CYP2C18: variants seen among roughly 807,000 people sequenced by gnomAD.
CYP2C18 encodes the protein cytochrome P450 2C18.
CYP2C18 carries 38 observed loss-of-function variants against 41.3 expected under a neutral mutation model. That is an observed-to-expected ratio of 0.92 (90% CI 0.71 to 1.21). CYP2C18 has a LOEUF of 1.21. Among genes scored for constraint, CYP2C18 ranks in the 50% most tolerant of loss-of-function variants. The pLI, the probability that CYP2C18 is intolerant of heterozygous loss-of-function variation, is 0.00. For synonymous variants in CYP2C18, 236 were observed against 210.0 expected (o/e 1.12, Z -1.07); for missense variants, 635 against 591.4 (o/e 1.07, Z -0.77).
At chr10:94,715,729 A>T (rs1022670232) in intron 5 of CYP2C18, among the ~76,000 whole-genome samples, 1 of 151,826 alleles carries the variant, frequency 6.6e-6, no homozygotes, top group Non-Finnish European at 1.5e-5. Context: ...CTCTTTTTCT[A>T]TTGATTGGAA....
chr10:94,715,721 C>A (rs1053191422), intron 5 of CYP2C18, among the ~76,000 whole-genome samples: 1 of 152,168 alleles, frequency 6.6e-6, no homozygotes, highest in Non-Finnish European at 1.5e-5. Context: ...AGGATTCCCT[C>A]TTTTTCTATT....
intron 4 of CYP2C18, among the ~76,000 whole-genome samples, chr10:94,699,817 T>G (rs954060192): frequency 4.6e-5 from 7 of 152,302 alleles, no homozygotes; most frequent in African/African-American, 1.7e-4. Flanking sequence ...TTCACAAGCA[T>G]TCTTATACAC....
intron 3 of CYP2C18, 133 bp downstream of exon 3, chr10:94,688,407 G>T: frequency 5.4e-6 from 6 of 1,112,774 alleles, no homozygotes; most frequent in Non-Finnish European, 7.5e-6. Flanking sequence ...AATGTGTAAT[G>T]ATCAAGTTAG....
At chr10:94,732,669 T>C (rs987243146) in intron 7 of CYP2C18, among the ~76,000 whole-genome samples, 1 of 152,066 alleles carries the variant, frequency 6.6e-6, no homozygotes, top group African/African-American at 2.4e-5. Flanking sequence ...TTGTCCTTTG[T>C]AGCAACATAG....
At chr10:94,734,608 C>G (rs745826020) in intron 8 of CYP2C18, among the ~76,000 whole-genome samples, 71 of 152,182 alleles carry the variant, frequency 4.7e-4, no homozygotes, top group Non-Finnish European at 8.2e-4. Context: ...GCAGATGTGA[C>G]AGCAAGAGAT....
chr10:94,712,154 T>C (rs570967761), intron 5 of CYP2C18, among the ~76,000 whole-genome samples: 1 of 143,280 alleles, frequency 7.0e-6, no homozygotes, highest in South Asian at 2.5e-4. Context: ...GGCCTCTTTT[T>C]CCAATTTTTT....
intron 7 of CYP2C18, among the ~76,000 whole-genome samples, chr10:94,733,062 A>C (rs1422875249): frequency 6.6e-6 from 1 of 152,136 alleles, no homozygotes; most frequent in Non-Finnish European, 1.5e-5. Flanking sequence ...GCCCCCGAGT[A>C]CTCAAATGCT....
In CYP2C18 at chr10:94,687,751, C is replaced by T; in HGVS notation, c.169-19C>T. On this transcript the variant is annotated intron_variant, in intron 1 of 8. Coordinates refer to ENST00000285979, the MANE Select transcript of CYP2C18 (RefSeq NM_000772.3). ...ATACTGAGTTTTGCTACTATTTGAA[C>T]CTCCTTTTCTATGTTTAGTTCTCAA... 6.2e-7 allele frequency: 1 copy of T among 1,604,098 alleles called. No individual in the cohort carries two copies. Among genetic ancestry groups the T allele is most frequent in the Non-Finnish European group, 8.5e-7 (1 of 1,175,830 alleles).
chr10:94,710,868 A>T (rs557303959), intron 5 of CYP2C18, among the ~76,000 whole-genome samples: 7 of 152,324 alleles, frequency 4.6e-5, no homozygotes, highest in Non-Finnish European at 7.4e-5. Context: ...TATTAAATTA[A>T]TGCTGTTCTA....
At chr10:94,696,469 A>AC (rs1349507018) in intron 4 of CYP2C18, among the ~76,000 whole-genome samples, 8 of 151,910 alleles carry the variant, frequency 5.3e-5, no homozygotes, top group African/African-American at 1.9e-4. Context: ...CCACACCAAA[A>AC]CCCCATCTGT....
chr10:94,699,566 A>G (rs1279820531), intron 4 of CYP2C18, among the ~76,000 whole-genome samples: 1 of 152,364 alleles, frequency 6.6e-6, no homozygotes, highest in South Asian at 2.1e-4. Context: ...GAAAACAGGC[A>G]CAAGACAGGG....
chr10:94,725,602 T>G (rs1270474691), intron 7 of CYP2C18, among the ~76,000 whole-genome samples: 1 of 152,146 alleles, frequency 6.6e-6, no homozygotes, highest in Non-Finnish European at 1.5e-5. Context: ...TTTATGTATA[T>G]TTTCATAAGT....
intron 5 of CYP2C18, among the ~76,000 whole-genome samples, chr10:94,710,613 A>G (rs1589800514): frequency 6.6e-6 from 1 of 152,132 alleles, no homozygotes; most frequent in Non-Finnish European, 1.5e-5. Flanking sequence ...ATAACCACTG[A>G]TTTTTCAAAT....
chr10:94,726,683 C>G (rs1480482363), intron 7 of CYP2C18, among the ~76,000 whole-genome samples: 1 of 151,940 alleles, frequency 6.6e-6, no homozygotes, highest in East Asian at 1.9e-4. Context: ...CTGTAGCCAT[C>G]AAAAATTGAC....
At chr10:94,684,754 GT>G (rs991647494) in intron 1 of CYP2C18, among the ~76,000 whole-genome samples, 7 of 151,312 alleles carry the variant, frequency 4.6e-5, no homozygotes, top group Non-Finnish European at 1.0e-4. Flanking sequence ...TTCTATTTTT[GT>G]TTTTTTTAGG....
At position 94,688,184 on chromosome 10, in the gene CYP2C18, C is replaced by G; in HGVS notation, c.391C>G (p.Leu131Val). ...GATCCGGCGTTTCTGCCTCATGACT[C>G]TGCGGAATTTTGGGATGGGGAAGAG... ...KEIRRFCLMT[L>V]RNFGMGKRSI... Residue 131 changes from leucine (L) to valine (V), a missense_variant, in exon 3 of 9, where the codon CTG (leucine) becomes GTG (valine). Physicochemically the swap from Leu to Val is conservative, Grantham distance 32 (BLOSUM62 1). Coordinates refer to ENST00000285979, the MANE Select transcript of CYP2C18 (RefSeq NM_000772.3). 6.2e-7 allele frequency: 1 copy of G among 1,613,700 alleles called. No homozygotes were observed. The highest frequency in any genetic ancestry group is 8.5e-7 in the Non-Finnish European group (1 of 1,179,792).
chr10:94,712,008 AT>A (rs35672164), intron 5 of CYP2C18, among the ~76,000 whole-genome samples: 27,501 of 97,702 alleles, frequency 0.28, 3,768 homozygotes, highest in Admixed American at 0.41. Context: ...TGCCCAACTA[AT>A]TTTTTTTTTT....
At chr10:94,725,431 T>A (rs927929749) in intron 7 of CYP2C18, among the ~76,000 whole-genome samples, 6 of 152,070 alleles carry the variant, frequency 3.9e-5, no homozygotes, top group African/African-American at 1.4e-4. Context: ...TTTTATTTCT[T>A]ATTTTTCAAT....
At chr10:94,686,613 G>A (rs1404001514) in intron 1 of CYP2C18, among the ~76,000 whole-genome samples, 1 of 152,186 alleles carries the variant, frequency 6.6e-6, no homozygotes, top group Non-Finnish European at 1.5e-5. Context: ...AGTTATTAAA[G>A]GTTATATGTT....
Sources: gnomAD v4.1 joint callset for allele counts (sites outside exome capture counted in the v4.1 genomes callset) on GRCh38, gnomAD v4.1.1 for gene constraint, MANE v1.5 for transcripts, NCBI Gene and HGNC (gene_info 2026-07-23, HGNC 2026-07-21) for gene names.